The following ASIP variants were observed in gnomAD, a reference collection of about 807,000 sequenced individuals.
The protein encoded by ASIP is agouti-signaling protein.
Under a neutral mutation model 10.3 loss-of-function variants are expected in ASIP, and 11 were observed. The ratio of observed to expected loss-of-function variants is 1.07; its 90% CI spans 0.68 to 1.78. The LOEUF (loss-of-function observed/expected upper bound fraction) is 1.78, where lower values mean the gene tolerates loss of function less well. Among genes scored for constraint, ASIP ranks in the 40% most tolerant of loss-of-function variants. The probability of loss-of-function intolerance (pLI) is 0.00; values close to 1 mark genes in which losing one functional copy is unlikely to be tolerated. For synonymous variants in ASIP, 70 were observed against 70.8 expected, an observed-to-expected ratio of 0.99 and a Z score of 0.06; for missense variants, 180 against 169.2, an observed-to-expected ratio of 1.06 and a Z score of -0.35.
At chr20:34,186,575 G>A in the ASIP span, among the ~76,000 whole-genome samples, 1 of 152,152 alleles carries the variant, frequency 6.6e-6, no homozygotes, top group African/African-American at 2.4e-5. Context: ...AGTCCAAAGG[G>A]AAATTGCTTT....
chr20:34,259,905 G>A (rs6059743), intron 1 of ASIP, among the ~76,000 whole-genome samples: 87,872 of 151,762 alleles, frequency 0.58, 28,445 homozygotes, highest in African/African-American at 0.89. Context: ...TGTCTGAAGG[G>A]GCCACTTACC....
At chr20:34,196,056 G>A (rs1209500662) in intron 1 of ASIP, among the ~76,000 whole-genome samples, 1 of 151,958 alleles carries the variant, frequency 6.6e-6, no homozygotes, top group Non-Finnish European at 1.5e-5. Flanking sequence ...TCTGCCTATG[G>A]GTAAGCATTC....
chr20:34,190,998 A>G (rs115540062), upstream of ASIP, among the ~76,000 whole-genome samples: 361 of 152,170 alleles, frequency 2.4e-3, 2 homozygotes, highest in African/African-American at 7.9e-3. Context: ...AGCAGCATGC[A>G]CCCCCATATG....
rs143291246 is a variant in ASIP, at chr20:34,201,454, A to G, written c.-11+6694A>G. Among the ~76,000 whole-genome samples the G allele has an allele frequency of 4.6e-5, 7 of 152,334 alleles. No homozygotes were observed. In the East Asian group the frequency reaches 1.4e-3, roughly 29 times the overall value. ...TCACCTCTTTGTTTTTTTGTGACTT[A>G]TCTCACAGATAATGAGACCTTAATA... is the stretch of plus-strand genomic sequence containing the variant. On this transcript the variant is annotated intron_variant, in intron 1 of 3. Coordinates refer to the ASIP transcript ENST00000568305.
chr20:34,198,050 T>G (rs1033845757), intron 1 of ASIP, among the ~76,000 whole-genome samples: 2 of 149,216 alleles, frequency 1.3e-5, no homozygotes, highest in African/African-American at 5.1e-5. Flanking sequence ...TTTACTTGAT[T>G]GCTTAATTTT....
intron 1 of ASIP, among the ~76,000 whole-genome samples, chr20:34,235,840 A>G (rs6142130): frequency 0.048 from 2,561 of 53,056 alleles, 294 homozygotes; most frequent in African/African-American, 0.24. Context: ...AAAGAAAGAA[A>G]GAAGGAAGGA....
chr20:34,220,855 C>G (rs1224671592), intron 1 of ASIP, among the ~76,000 whole-genome samples: 4 of 151,758 alleles, frequency 2.6e-5, no homozygotes, highest in African/African-American at 2.4e-5. Flanking sequence ...AGTGGTTGCT[C>G]TCAGACTATT....
intron 2 of ASIP, among the ~76,000 whole-genome samples, chr20:34,261,598 C>G (rs2122663935): frequency 6.6e-6 from 1 of 152,150 alleles, no homozygotes; most frequent in Non-Finnish European, 1.5e-5. Flanking sequence ...TGTGCCACTG[C>G]ACTCCAGCCT....
At chr20:34,203,156 CA>C (rs1000267754) in intron 1 of ASIP, among the ~76,000 whole-genome samples, 2 of 151,034 alleles carry the variant, frequency 1.3e-5, no homozygotes, top group Non-Finnish European at 3.0e-5. Context: ...TAAATTCTAC[CA>C]AAAAAAACCC....
At chr20:34,214,802 G>A in intron 1 of ASIP, 1 of 1,539,826 alleles carries the variant, frequency 6.5e-7, no homozygotes, top group Non-Finnish European at 9.0e-7. Context: ...TTCAAAATAT[G>A]AAGATAATCA....
intron 1 of ASIP, among the ~76,000 whole-genome samples, chr20:34,249,140 AT>A (rs1375516827): frequency 1.3e-5 from 2 of 152,120 alleles, no homozygotes; most frequent in African/African-American, 4.8e-5. Flanking sequence ...AAAAAAAAAA[AT>A]CTAATAATGC....
chr20:34,189,825 C>T (rs1036612742), upstream of ASIP, among the ~76,000 whole-genome samples: 2 of 152,170 alleles, frequency 1.3e-5, no homozygotes, highest in South Asian at 2.1e-4. Flanking sequence ...CTCCCACCAA[C>T]CCCAGTCACT....
intron 3 of ASIP, among the ~76,000 whole-genome samples, chr20:34,265,291 G>A (rs1443086147): frequency 2.0e-5 from 3 of 152,054 alleles, no homozygotes; most frequent in African/African-American, 4.8e-5. Flanking sequence ...GGGAGGTTGA[G>A]GTTGGCAGAT....
intron 1 of ASIP, among the ~76,000 whole-genome samples, chr20:34,221,829 G>A (rs1179134172): frequency 6.6e-6 from 1 of 152,184 alleles, no homozygotes; most frequent in Non-Finnish European, 1.5e-5. Context: ...AAGAGATTAG[G>A]CCAGCCACAG....
At chr20:34,209,338 G>T (rs925428218) in intron 1 of ASIP, among the ~76,000 whole-genome samples, 46 of 152,182 alleles carry the variant, frequency 3.0e-4, no homozygotes, top group Non-Finnish European at 1.0e-4. Context: ...GCAGGCAGGA[G>T]GCCTACCCTC....
intron 1 of ASIP, among the ~76,000 whole-genome samples, chr20:34,253,617 A>G (rs2035520211): frequency 6.6e-6 from 1 of 151,872 alleles, no homozygotes; most frequent in Non-Finnish European, 1.5e-5. Flanking sequence ...GATTATAGGC[A>G]TGCACCACCA....
intron 1 of ASIP, among the ~76,000 whole-genome samples, chr20:34,253,385 C>T (rs1450257309): frequency 1.3e-5 from 2 of 151,598 alleles, no homozygotes; most frequent in Admixed American, 6.6e-5. Flanking sequence ...GGATTACGGG[C>T]GTGAGCCACC....
rs945401403 is a variant in ASIP at position 34,234,614 on chromosome 20, C to T, written c.-10-25751C>T. Among the ~76,000 whole-genome samples the T allele has an allele frequency of 5.3e-5, 8 of 151,898 alleles. No homozygotes were observed. The East Asian group carries it at 1.5e-3, about 29-fold the overall frequency. On this transcript the variant is annotated intron_variant, in intron 1 of 3. Transcript: ENST00000568305. ...CAGTGGTCCTATAAACCAGCCTGAC[C>T]AACATGGCGAAACCCCATCTCTACT...
chr20:34,255,398 CCTCCCTCCCACCT>C (rs1222977065), intron 1 of ASIP, among the ~76,000 whole-genome samples: 1 of 152,034 alleles, frequency 6.6e-6, no homozygotes, highest in Admixed American at 6.6e-5. Flanking sequence ...TTCAAGCAAT[CCTCCCTCCCACCT>C]CACCCTCCCA....
Sources: allele counts gnomAD v4.1 joint callset (sites outside exome capture counted in the v4.1 genomes callset), GRCh38; gene constraint gnomAD v4.1.1; transcripts MANE v1.5; gene names NCBI Gene and HGNC (gene_info 2026-07-23, HGNC 2026-07-21).